Variants in COL23A1 observed in about 807,000 individuals in gnomAD.
COL23A1 encodes collagen type XXIII alpha 1 chain.
In COL23A1, 97 loss-of-function variants were observed where a neutral mutation model predicts 99.3. The observed-to-expected ratio is 0.98, with a 90% CI of 0.83 to 1.16. The LOEUF (loss-of-function observed/expected upper bound fraction) is 1.16. Ranked by LOEUF, COL23A1 falls within the 50% of genes most tolerant of loss-of-function variation. The pLI, the probability that COL23A1 is intolerant of heterozygous loss-of-function variation, is 0.00. For synonymous variants in COL23A1, 320 were observed against 308.2 expected (o/e 1.04, Z -0.40); for missense variants, 762 against 757.4 (o/e 1.01, Z -0.07).
intron 2 of COL23A1, among the ~76,000 whole-genome samples, chr5:178,504,004 G>A (rs1002141282): frequency 6.6e-6 from 1 of 151,996 alleles, no homozygotes; most frequent in African/African-American, 2.4e-5. Flanking sequence ...ACTATCTTTT[G>A]TATGTTATCA....
intron 2 of COL23A1, among the ~76,000 whole-genome samples, chr5:178,393,907 G>A (rs1764097367): frequency 6.6e-6 from 1 of 152,168 alleles, no homozygotes; most frequent in Non-Finnish European, 1.5e-5. Context: ...GATTATAGGT[G>A]TGAGCTACCA....
intron 3 of COL23A1, among the ~76,000 whole-genome samples, chr5:178,294,079 C>A (rs147912099): frequency 6.6e-6 from 1 of 152,102 alleles, no homozygotes; most frequent in Non-Finnish European, 1.5e-5. Context: ...AGAATGACAC[C>A]CCATCACCAC....
chr5:178,519,908 G>A (rs993621890), intron 2 of COL23A1, among the ~76,000 whole-genome samples: 1 of 152,148 alleles, frequency 6.6e-6, no homozygotes, highest in Non-Finnish European at 1.5e-5. Context: ...TAGATGGATG[G>A]ATGAATGGTC....
intron 2 of COL23A1, among the ~76,000 whole-genome samples, chr5:178,339,087 G>A (rs947179540): frequency 6.6e-6 from 1 of 152,154 alleles, no homozygotes; most frequent in Non-Finnish European, 1.5e-5. Flanking sequence ...CTGACTGGGA[G>A]CTCACTACCT....
At chr5:178,274,110 C>T (rs937199310) in intron 5 of COL23A1, among the ~76,000 whole-genome samples, 3 of 152,262 alleles carry the variant, frequency 2.0e-5, no homozygotes, top group African/African-American at 4.8e-5. Context: ...CTCTGCGGAA[C>T]AGGTTTCTTT....
chr5:178,302,947 C>T (rs145815923), intron 3 of COL23A1, among the ~76,000 whole-genome samples: 167 of 152,336 alleles, frequency 1.1e-3, no homozygotes, highest in African/African-American at 3.8e-3. Context: ...GTTCTGCTTC[C>T]TCCAAGTGGC....
chr5:178,567,614 A>G (rs1762899798), intron 1 of COL23A1, among the ~76,000 whole-genome samples: 1 of 152,170 alleles, frequency 6.6e-6, no homozygotes, highest in Non-Finnish European at 1.5e-5. Flanking sequence ...ATGTTGGATC[A>G]GGCCTGTAAT....
At chr5:178,534,728 A>G (rs531022) in intron 2 of COL23A1, among the ~76,000 whole-genome samples, 76,663 of 151,634 alleles carry the variant, frequency 0.51, 19,763 homozygotes, top group Non-Finnish European at 0.57. Flanking sequence ...GCAGTGAGCC[A>G]AGATCGTGCC....
intron 2 of COL23A1, among the ~76,000 whole-genome samples, chr5:178,385,047 T>C (rs552699530): frequency 1.5e-4 from 23 of 152,250 alleles, no homozygotes; most frequent in Non-Finnish European, 2.5e-4. Context: ...GGGGTAGTCT[T>C]CTGTGGCAGC....
chr5:178,429,654 A>G (rs1417499872), intron 2 of COL23A1, among the ~76,000 whole-genome samples: 3 of 151,684 alleles, frequency 2.0e-5, no homozygotes, highest in African/African-American at 7.3e-5. Flanking sequence ...GGCTGCACGC[A>G]CTCTCGCCTG....
intron 2 of COL23A1, among the ~76,000 whole-genome samples, chr5:178,317,495 C>A (rs2973701): frequency 0.9 from 137,531 of 152,262 alleles, 62,159 homozygotes; most frequent in Admixed American, 0.93. Context: ...TCTTCAGCAA[C>A]ACCAATATAC....
intron 7 of COL23A1, among the ~76,000 whole-genome samples, chr5:178,268,456 G>A (rs974998247): frequency 1.1e-4 from 17 of 152,126 alleles, no homozygotes; most frequent in African/African-American, 4.1e-4. Context: ...CTGGACACTC[G>A]TCATTCTGGG....
At position 178,439,893 on chromosome 5, in the gene COL23A1, C is replaced by T. The variant is rs1766765516; in HGVS notation, c.361+120789G>A. 1 of 152,176 alleles carries T rather than the reference C, an allele frequency of 6.6e-6. No individual in the cohort carries two copies. Among genetic ancestry groups the T allele is most frequent in the African/African-American group, 2.4e-5 (1 of 41,428 alleles). 9.4% of individuals were successfully genotyped at this position (152,176 alleles called of 1,614,324 possible). ...ACATGGATGAGCCCCAGAAATGCGACGCTGAGTGACAGAAGCCAGACACAA... is the reference window on the plus strand; with the variant it reads ...ACATGGATGAGCCCCAGAAATGCGATGCTGAGTGACAGAAGCCAGACACAA... On this transcript the variant is annotated intron_variant, in intron 2 of 28. Coordinates refer to ENST00000390654, the MANE Select transcript of COL23A1 (RefSeq NM_173465.4). The surrounding 1 kb of genome is among the most constrained non-coding windows in gnomAD (Gnocchi z 4.2).
intron 2 of COL23A1, among the ~76,000 whole-genome samples, chr5:178,472,049 T>G (rs2546639): frequency 6.6e-6 from 1 of 151,704 alleles, no homozygotes; most frequent in East Asian, 1.9e-4. Context: ...CCCGGTGCTG[T>G]GGGAGCTCAA....
At chr5:178,248,057 C>T (rs888510685) in intron 20 of COL23A1, 135 bp downstream of exon 20, 117 of 745,886 alleles carry the variant, frequency 1.6e-4, no homozygotes, top group African/African-American at 6.3e-4. Context: ...AGAGGGGTCT[C>T]GCTCCCCTTA....
At chr5:178,274,861 G>A (rs1456056235) in intron 5 of COL23A1, among the ~76,000 whole-genome samples, 3 of 152,210 alleles carry the variant, frequency 2.0e-5, no homozygotes, top group South Asian at 4.1e-4. Context: ...CCTGATCAAA[G>A]CCCTTGAATC....
intron 16 of COL23A1, 79 bp downstream of exon 16, chr5:178,254,870 G>C: frequency 7.8e-7 from 1 of 1,279,146 alleles, no homozygotes; most frequent in Non-Finnish European, 1.1e-6. Flanking sequence ...AAAAGTGCAG[G>C]ATTAATCACA....
At chr5:178,515,718 C>T (rs1043391606) in intron 2 of COL23A1, among the ~76,000 whole-genome samples, 5 of 152,282 alleles carry the variant, frequency 3.3e-5, no homozygotes, top group East Asian at 3.9e-4. Flanking sequence ...GCTACAGAGC[C>T]CTCAGCTTCC....
chr5:178,298,201 G>T (rs1400072333), intron 3 of COL23A1, among the ~76,000 whole-genome samples: 1 of 152,204 alleles, frequency 6.6e-6, no homozygotes, highest in Non-Finnish European at 1.5e-5. Context: ...AGGGTTTGAT[G>T]ATTCTGGGGC....
Sources: gnomAD v4.1 joint callset for allele counts (sites outside exome capture counted in the v4.1 genomes callset) on GRCh38, gnomAD v4.1.1 for gene constraint, Gnocchi (gnomAD v3.1) non-coding constraint, MANE v1.5 for transcripts, NCBI Gene and HGNC (gene_info 2026-07-23, HGNC 2026-07-21) for gene names.